Variants in ABCB5 observed in about 807,000 individuals in gnomAD.
The protein encoded by ABCB5 is ATP binding cassette subfamily B member 5.
In ABCB5, 155 loss-of-function variants were observed where a neutral mutation model predicts 144.2. That is an observed-to-expected ratio of 1.08 (90% CI 0.94 to 1.23). The LOEUF (loss-of-function observed/expected upper bound fraction) is 1.23. ABCB5 is among the 50% of genes most tolerant of loss of function. The pLI, the probability that ABCB5 is intolerant of heterozygous loss-of-function variation, is 0.00. For missense variants in ABCB5, 1,830 were observed against 1,520.8 expected (o/e 1.20, Z -3.38); for synonymous variants, 610 against 528.6 (o/e 1.15, Z -2.11).
chr7:20,659,795 T>G (rs1784940077), intron 14 of ABCB5: 1 of 977,710 alleles, frequency 1.0e-6, no homozygotes, highest in South Asian at 4.7e-5. Context: ...GCGATTCTCC[T>G]GCCTCAGCCT....
Position 20,646,010 on chromosome 7 carries a change from A to T in ABCB5, c.853A>T (p.Ile285Leu). 6.2e-7 allele frequency: 1 copy of T among 1,613,880 alleles called. No individual in the cohort carries two copies. The highest frequency in any genetic ancestry group is 8.5e-7 in the Non-Finnish European group (1 of 1,179,818). ...AAAGGATTTTGGCATAAAAAGGACT[A>T]TAGCTTCAAAAGTGTCTCTTGGTGC... ...DAKDFGIKRT[I>L]ASKVSLGAVY... Residue 285 changes from isoleucine to leucine, a missense_variant, in exon 9 of 28, where the codon ATA (isoleucine) becomes TTA (leucine). Physicochemically the swap from Ile to Leu is conservative, Grantham distance 5. Coordinates refer to ENST00000404938, the MANE Select transcript of ABCB5 (RefSeq NM_001163941.2).
intron 7 of ABCB5, among the ~76,000 whole-genome samples, chr7:20,645,449 G>A (rs944175621): frequency 2.0e-5 from 3 of 152,092 alleles, no homozygotes; most frequent in Non-Finnish European, 2.9e-5. Context: ...CAGTATCCCC[G>A]CTGTTCCCTT....
intron 1 of ABCB5, among the ~76,000 whole-genome samples, chr7:20,618,531 C>T (rs1016809685): frequency 4.6e-5 from 7 of 151,958 alleles, no homozygotes; most frequent in African/African-American, 1.5e-4. Context: ...GCATAGTACT[C>T]GGTAGGTAGT....
chr7:20,722,200 G>C (rs1355688890), intron 20 of ABCB5, among the ~76,000 whole-genome samples: 1 of 152,170 alleles, frequency 6.6e-6, no homozygotes, highest in Admixed American at 6.5e-5. Flanking sequence ...GGGTTGAAGA[G>C]ATGGCAGGGT....
At chr7:20,717,940 C>T (rs1394886068) in intron 20 of ABCB5, among the ~76,000 whole-genome samples, 8 of 114,266 alleles carry the variant, frequency 7.0e-5, no homozygotes, top group African/African-American at 2.1e-4. Flanking sequence ...CTCGCTCTGT[C>T]GCCCAGGCTG....
rs568457179 is a variant in ABCB5 at position 20,738,214 on chromosome 7, T to A, written c.2868-769T>A. On this transcript the variant is annotated intron_variant, in intron 23 of 27. Coordinates refer to ENST00000404938, the MANE Select transcript of ABCB5 (RefSeq NM_001163941.2). ...TGTGCCGTTAGGTTTGTTACTAAGA[T>A]GCATTGTTTTGCATTCTAGTACACT... Among the ~76,000 whole-genome samples the A allele has an allele frequency of 2.6e-5, 4 of 152,330 alleles. No individual in the cohort carries two copies. The South Asian group carries it at 8.3e-4, about 32-fold the overall frequency.
chr7:20,693,209 T>A (rs529598411), intron 16 of ABCB5, among the ~76,000 whole-genome samples: 315 of 151,356 alleles, frequency 2.1e-3, no homozygotes, highest in African/African-American at 7.0e-3. Flanking sequence ...CAAAAAAAAA[T>A]AATAATAATT....
In ABCB5 at chr7:20,755,461, G is replaced by A. The variant is rs754168898; in HGVS notation, c.3611G>A (p.Gly1204Glu). The change falls in exon 28 of 28, where the codon GGA (glycine) becomes GAA (glutamate). Residue 1204 changes from glycine (G) to glutamate (E), a missense_variant. Coordinates refer to ENST00000404938, the MANE Select transcript of ABCB5 (RefSeq NM_001163941.2). ...CATGCCCTTGATAAAGCCAGGACGG[G>A]AAGGACATGCCTAGTGGTCACTCAC... ...VQHALDKARTGRTCLVVTHRL... is the reference protein window; with the variant it reads ...VQHALDKARTERTCLVVTHRL... The A allele has an allele frequency of 5.6e-6, 9 of 1,614,088 alleles. No homozygotes were observed. Among genetic ancestry groups the A allele is most frequent in the Non-Finnish European group, 5.9e-6 (7 of 1,180,038 alleles).
chr7:20,752,709 T>G (rs1180284522), intron 26 of ABCB5, among the ~76,000 whole-genome samples: 6 of 152,164 alleles, frequency 3.9e-5, no homozygotes, highest in African/African-American at 1.4e-4. Flanking sequence ...TAGCCAGGCA[T>G]GGTGGTGGGC....
rs774557161 is a variant in ABCB5, at chr7:20,704,826, T to C, written c.2421+19T>C. 3 of 1,587,120 alleles carry C rather than the reference T, an allele frequency of 1.9e-6. No individual in the cohort carries two copies. The highest frequency in any genetic ancestry group is 2.2e-5 in the South Asian group (2 of 90,242). On this transcript the variant is annotated intron_variant, in intron 20 of 27. Transcript: ENST00000404938. Reference sequence around the variant, plus strand: ...TCAAGGAGTATGTATATTGTTTTTATTGTAAATGATGTATGTATGTGGTGT... The same window carrying C: ...TCAAGGAGTATGTATATTGTTTTTACTGTAAATGATGTATGTATGTGGTGT...
At chr7:20,718,071 T>A (rs572300130) in intron 20 of ABCB5, among the ~76,000 whole-genome samples, 1 of 144,692 alleles carries the variant, frequency 6.9e-6, no homozygotes, top group Non-Finnish European at 1.5e-5. Flanking sequence ...CTGGCTAATT[T>A]TTTTGTGGTT....
At chr7:20,687,442 G>A (rs1189106672) in intron 16 of ABCB5, among the ~76,000 whole-genome samples, 1 of 152,230 alleles carries the variant, frequency 6.6e-6, no homozygotes, top group Non-Finnish European at 1.5e-5. Context: ...CTCTAAAACA[G>A]GAGGAATATC....
At chr7:20,677,902 T>C (rs2128037814) in intron 14 of ABCB5, among the ~76,000 whole-genome samples, 1 of 152,310 alleles carries the variant, frequency 6.6e-6, no homozygotes, top group South Asian at 2.1e-4. Context: ...ACATAGTTTG[T>C]GGGGTCCAGC....
chr7:20,660,604 A>G lies in ABCB5; in HGVS notation c.1707+1928A>G, dbSNP rs374437327. On this transcript the variant is annotated intron_variant, in intron 14 of 27. Transcript: ENST00000404938. Reference sequence around the variant, plus strand: ...CCTCTCACCACCATAGACTGCAGTTATGGAACCAAGCCCTTGGAGGGGGCC... The same window carrying G: ...CCTCTCACCACCATAGACTGCAGTTGTGGAACCAAGCCCTTGGAGGGGGCC... Among the ~76,000 whole-genome samples, 134 of 152,284 alleles carry G rather than the reference A, an allele frequency of 8.8e-4. 5 individuals are homozygous for G. The South Asian group carries it at 0.027, about 30-fold the overall frequency.
intron 14 of ABCB5, among the ~76,000 whole-genome samples, chr7:20,668,592 G>GGT (rs1785313240): frequency 1.4e-5 from 2 of 141,312 alleles, no homozygotes; most frequent in African/African-American, 6.0e-5. Flanking sequence ...GAGGGAGGTG[G>GGT]GGGGGGGGGT....
intron 24 of ABCB5, among the ~76,000 whole-genome samples, chr7:20,740,360 T>G (rs766324888): frequency 1.3e-5 from 2 of 152,238 alleles, no homozygotes; most frequent in Admixed American, 1.3e-4. Flanking sequence ...GGTATATACT[T>G]AAATGTTTTT....
At chr7:20,663,339 A>G (rs778483823) in intron 14 of ABCB5, among the ~76,000 whole-genome samples, 4 of 152,238 alleles carry the variant, frequency 2.6e-5, no homozygotes, top group Non-Finnish European at 5.9e-5. Context: ...GGTGAAAACA[A>G]TCCAAATGTC....
chr7:20,635,449 A>G (rs1463222211), intron 5 of ABCB5, among the ~76,000 whole-genome samples: 1 of 151,596 alleles, frequency 6.6e-6, no homozygotes, highest in Non-Finnish European at 1.5e-5. Context: ...GTGAAAAATG[A>G]CATTGGCATT....
chr7:20,747,258 T>C (rs1363614995), intron 26 of ABCB5, among the ~76,000 whole-genome samples: 1 of 152,206 alleles, frequency 6.6e-6, no homozygotes, highest in East Asian at 1.9e-4. Flanking sequence ...AATTGATATT[T>C]GTACCATTTA....
Sources: allele counts gnomAD v4.1 joint callset (sites outside exome capture counted in the v4.1 genomes callset), GRCh38; gene constraint gnomAD v4.1.1; transcripts MANE v1.5; gene names NCBI Gene and HGNC (gene_info 2026-07-23, HGNC 2026-07-21).